MGME1: variants seen among roughly 807,000 people sequenced by gnomAD.
The protein encoded by MGME1 is chromosome 20 open reading frame 72.
A neutral mutation model predicts 33.0 loss-of-function variants in MGME1; 22 were observed. The observed-to-expected ratio is 0.67, with a 90% CI of 0.48 to 0.95. MGME1 has a LOEUF of 0.95. Ranked by LOEUF, MGME1 falls within the 40% of genes least tolerant of loss-of-function variation. The pLI, the probability that MGME1 is intolerant of heterozygous loss-of-function variation, is 0.00. For synonymous variants in MGME1, 133 were observed against 144.0 expected (o/e 0.92, Z 0.55); for missense variants, 383 against 397.8 (o/e 0.96, Z 0.32).
Position 17,975,856 on chromosome 20 carries a change from T to C in MGME1, c.684T>C (p.His228=), listed in dbSNP as rs1353476608. 2 of 1,614,160 alleles carry C rather than the reference T, an allele frequency of 1.2e-6. No homozygotes were observed. Among genetic ancestry groups the C allele is most frequent in the Admixed American group, 3.3e-5 (2 of 60,014 alleles). ...GAGCTCTTGAAAGTGCTGTTCAACA[T>C]GAAACCTTAAACTATATAGGTCTGC... ...GVRALESAVQ[H]ETLNYIGLLD... Residue 228 remains histidine, a synonymous_variant, in exon 3 of 5, where the codon CAT becomes CAC. Coordinates refer to ENST00000377710, the MANE Select transcript of MGME1 (RefSeq NM_052865.4).
In MGME1 at chr20:17,975,800, C is replaced by A; in HGVS notation, c.628C>A (p.Gln210Lys). Residue 210 changes from glutamine (Q) to lysine (K), a missense_variant, in exon 3 of 5, where the codon CAG becomes AAG. Coordinates refer to ENST00000377710, the MANE Select transcript of MGME1 (RefSeq NM_052865.4). The stretch of plus-strand genomic sequence containing the variant: ...CAAGTCTGGTTACATTGAAAGTGTC[C>A]AGCATATTCTGAAAGATGTCAGTGG... ...LLKSGYIESV[Q>K]HILKDVSGVR... The A allele has an allele frequency of 6.2e-7, 1 of 1,614,016 alleles. No homozygotes were observed. The highest frequency in any genetic ancestry group is 8.5e-7 in the Non-Finnish European group (1 of 1,179,996).
intron 1 of MGME1, among the ~76,000 whole-genome samples, 156 bp downstream of exon 1, chr20:17,969,297 C>T (rs1480449349): frequency 6.6e-6 from 1 of 152,250 alleles, no homozygotes; most frequent in Non-Finnish European, 1.5e-5. Flanking sequence ...AATGGGACCT[C>T]AGCGCCGCCA....
rs1287112909 is a variant in MGME1, at chr20:17,990,549, G to A, written c.*440G>A. 1 of 207,124 alleles carries A rather than the reference G, an allele frequency of 4.8e-6. No homozygotes were observed. The highest frequency in any genetic ancestry group is 9.7e-6 in the Non-Finnish European group (1 of 103,142). The allele number at this position is 207,124 out of a possible 1,614,324, so 12.8% of individuals were successfully genotyped here. ...CTACATGCCCCCAGCTGTGTGCAGGGAGGACACATCAGCCCACTACCGCTG... is the reference window on the plus strand; with the variant it reads ...CTACATGCCCCCAGCTGTGTGCAGGAAGGACACATCAGCCCACTACCGCTG... On this transcript the variant is annotated 3_prime_UTR_variant, in exon 5 of 5. Transcript: ENST00000377710.
At chr20:17,987,159 G>A (rs1453053980) in intron 3 of MGME1, among the ~76,000 whole-genome samples, 2 of 129,466 alleles carry the variant, frequency 1.5e-5, no homozygotes, top group East Asian at 4.3e-4. Context: ...CAGCCTGAGT[G>A]AGACTCCATC....
Position 17,982,024 on chromosome 20 carries a change from A to G in MGME1, c.731+6121A>G, listed in dbSNP as rs147027635. Among the ~76,000 whole-genome samples, 636 of 152,182 alleles carry G rather than the reference A, an allele frequency of 4.2e-3. 6 individuals are homozygous for G. Among genetic ancestry groups the G allele is most frequent in the African/African-American group, 0.015 (619 of 41,520 alleles). ...CCTTACCCATTTCCCTATTGGGAAC[A>G]CTCAGATTATTTCTAGTTTTCCACA... On this transcript the variant is annotated intron_variant, in intron 3 of 4. Transcript: ENST00000377710.
chr20:17,977,140 CCGAGG>C (rs2035890304), intron 3 of MGME1, among the ~76,000 whole-genome samples: 2 of 151,896 alleles, frequency 1.3e-5, no homozygotes, highest in African/African-American at 4.8e-5. Flanking sequence ...CTTTGGGAGG[CCGAGG>C]TGGGCAGATC....
rs576681644 is a variant in MGME1, at chr20:17,971,988, C to T, written c.511+1618C>T. ...CTGTCTTCAAGTGGTGCTCCCACCT[C>T]GGCCTCCCAGAATACTGAGACTACA... On this transcript the variant is annotated intron_variant, in intron 2 of 4. Transcript: ENST00000377710. 6.6e-5 allele frequency among the ~76,000 whole-genome samples: 10 copies of T among 152,260 alleles called. 1 individual carries two copies. The East Asian group carries it at 9.6e-4, about 15-fold the overall frequency.
intron 4 of MGME1, among the ~76,000 whole-genome samples, chr20:17,989,595 C>T (rs1287433384): frequency 6.9e-6 from 1 of 145,864 alleles, no homozygotes; most frequent in African/African-American, 2.6e-5. Context: ...GCCTCAGCTT[C>T]GAGGGTGCAA....
intron 3 of MGME1, among the ~76,000 whole-genome samples, chr20:17,981,089 C>T (rs2036006462): frequency 6.6e-6 from 1 of 151,896 alleles, no homozygotes. Flanking sequence ...CTTTTTTGTT[C>T]TTTTCTTTTT....
intron 3 of MGME1, among the ~76,000 whole-genome samples, chr20:17,981,379 C>T (rs2036015161): frequency 6.6e-6 from 1 of 152,186 alleles, no homozygotes; most frequent in Non-Finnish European, 1.5e-5. Context: ...CGCTCTCTGT[C>T]TCAATTTATT....
At chr20:17,975,554 CAAAAAAA>C (rs894514527) in intron 2 of MGME1, 123 bp from the exon 3 acceptor site, 9 of 567,846 alleles carry the variant, frequency 1.6e-5, no homozygotes, top group South Asian at 6.4e-5. Flanking sequence ...AGACTCCATC[CAAAAAAA>C]AAAAAAAGAA....
chr20:17,983,267 T>G (rs889228604), intron 3 of MGME1, among the ~76,000 whole-genome samples: 3 of 142,578 alleles, frequency 2.1e-5, no homozygotes, highest in African/African-American at 7.9e-5. Flanking sequence ...TAGTGTTCTA[T>G]TGTGTGTGTG....
chr20:17,971,877 A>C (rs1188894896), intron 2 of MGME1, among the ~76,000 whole-genome samples: 1 of 152,162 alleles, frequency 6.6e-6, no homozygotes, highest in East Asian at 1.9e-4. Flanking sequence ...CTGGGACCAC[A>C]GGCGTGCACC....
At chr20:17,984,068 A>C (rs1289117883) in intron 3 of MGME1, among the ~76,000 whole-genome samples, 3 of 152,056 alleles carry the variant, frequency 2.0e-5, no homozygotes, top group East Asian at 1.9e-4. Context: ...TCAGGTCTTA[A>C]ATTTTAAGTT....
In MGME1 at chr20:17,975,913, A is replaced by T. The variant is rs761633443; in HGVS notation, c.731+10A>T. 1 of 1,600,938 alleles carries T rather than the reference A, an allele frequency of 6.2e-7. No homozygotes were observed. The highest frequency in any genetic ancestry group is 8.6e-7 in the Non-Finnish European group (1 of 1,168,142). Reference sequence around the variant, plus strand: ...GTGTGGCTGAGTATCAGTAAGTATGAGATTGGAGGTGAATTAATACAGCGT... The same window carrying T: ...GTGTGGCTGAGTATCAGTAAGTATGTGATTGGAGGTGAATTAATACAGCGT... On this transcript the variant is annotated intron_variant, in intron 3 of 4. Coordinates refer to ENST00000377710, the MANE Select transcript of MGME1 (RefSeq NM_052865.4).
intron 3 of MGME1, among the ~76,000 whole-genome samples, chr20:17,977,300 C>T (rs1449635895): frequency 2.6e-5 from 4 of 151,406 alleles, no homozygotes; most frequent in Middle Eastern, 3.2e-3. Context: ...CACTTTAACC[C>T]GGGAGGCAGA....
intron 3 of MGME1, among the ~76,000 whole-genome samples, chr20:17,976,339 G>A (rs1379429618): frequency 6.6e-6 from 1 of 152,106 alleles, no homozygotes; most frequent in Non-Finnish European, 1.5e-5. Flanking sequence ...GGCCAGGCTG[G>A]TCTCAAACTC....
rs967367259 is a variant in MGME1, at chr20:17,976,521, G to A, written c.731+618G>A. 3.9e-5 allele frequency among the ~76,000 whole-genome samples: 6 copies of A among 152,182 alleles called. No homozygotes were observed. In the East Asian group the frequency reaches 7.7e-4, roughly 20 times the overall value. On this transcript the variant is annotated intron_variant, in intron 3 of 4. Coordinates refer to ENST00000377710, the MANE Select transcript of MGME1 (RefSeq NM_052865.4). Reference sequence around the variant, plus strand: ...CCATAAGATCCAATTTCATTCCTGCGTTTTCTTTCCTGTTTTTCTAAAGAT... The same window carrying A: ...CCATAAGATCCAATTTCATTCCTGCATTTTCTTTCCTGTTTTTCTAAAGAT...
intron 3 of MGME1, among the ~76,000 whole-genome samples, chr20:17,984,865 G>A (rs747903385): frequency 4.0e-5 from 6 of 151,586 alleles, no homozygotes; most frequent in East Asian, 1.9e-4. Context: ...ATGAAACTCC[G>A]TCTTTGCTAC....
Sources: allele counts gnomAD v4.1 joint callset (sites outside exome capture counted in the v4.1 genomes callset), GRCh38; gene constraint gnomAD v4.1.1; transcripts MANE v1.5; gene names NCBI Gene and HGNC (gene_info 2026-07-23, HGNC 2026-07-21).